The following FHIT variants were observed in gnomAD, a reference collection of about 807,000 sequenced individuals.
FHIT encodes bis(5'-adenosyl)-triphosphatase.
A neutral mutation model predicts 17.9 loss-of-function variants in FHIT; 19 were observed. The ratio of observed to expected loss-of-function variants is 1.06; its 90% CI spans 0.74 to 1.56. FHIT has a LOEUF of 1.56. Among genes scored for constraint, FHIT ranks in the 40% most tolerant of loss-of-function variants. The pLI is 0.00. For synonymous variants in FHIT, 81 were observed against 69.7 expected (o/e 1.16, Z -0.81); for missense variants, 248 against 189.2 (o/e 1.31, Z -1.82).
chr3:60,510,912 C>G (rs1415335439), intron 5 of FHIT, among the ~76,000 whole-genome samples: 6 of 152,140 alleles, frequency 3.9e-5, no homozygotes, highest in Non-Finnish European at 4.4e-5. Context: ...GAATCATAGT[C>G]TCTAACCTCG....
intron 5 of FHIT, among the ~76,000 whole-genome samples, chr3:60,072,784 C>G (rs1702836338): frequency 6.6e-6 from 1 of 152,208 alleles, no homozygotes; most frequent in Admixed American, 6.5e-5. Context: ...ATCTATGAAG[C>G]TAGCGCTTCA....
intron 3 of FHIT, among the ~76,000 whole-genome samples, chr3:60,931,725 C>G (rs1257174551): frequency 1.3e-5 from 2 of 152,178 alleles, no homozygotes; most frequent in Non-Finnish European, 2.9e-5. Flanking sequence ...TCTGGGAGAG[C>G]TTGGTGAAGC....
At chr3:60,469,549 CCTT>C (rs2032975182) in intron 5 of FHIT, among the ~76,000 whole-genome samples, 1 of 152,130 alleles carries the variant, frequency 6.6e-6, no homozygotes, top group Non-Finnish European at 1.5e-5. Context: ...ACTCTGAACT[CCTT>C]CTCTGTGTTA....
At chr3:60,646,377 C>T (rs561054252) in intron 4 of FHIT, among the ~76,000 whole-genome samples, 6 of 152,122 alleles carry the variant, frequency 3.9e-5, no homozygotes, top group South Asian at 2.1e-4. Context: ...GAAAAACAAC[C>T]GTGTAATTTG....
At chr3:59,967,207 A>G (rs1372361647) in intron 7 of FHIT, among the ~76,000 whole-genome samples, 1 of 152,176 alleles carries the variant, frequency 6.6e-6, no homozygotes, top group Admixed American at 6.6e-5. Context: ...TTCTTCTGCA[A>G]TAGTCCCTGA....
At chr3:60,070,007 G>T (rs1702695222) in intron 5 of FHIT, among the ~76,000 whole-genome samples, 1 of 152,150 alleles carries the variant, frequency 6.6e-6, no homozygotes, top group Non-Finnish European at 1.5e-5. Flanking sequence ...CTTCCAGGTG[G>T]CATTCCAGGC....
intron 7 of FHIT, among the ~76,000 whole-genome samples, chr3:59,927,154 G>A (rs1278149290): frequency 6.6e-6 from 1 of 152,188 alleles, no homozygotes; most frequent in African/African-American, 2.4e-5. Flanking sequence ...AAGGAGTGAT[G>A]TGCGCTGAGT....
intron 3 of FHIT, among the ~76,000 whole-genome samples, chr3:60,933,841 G>A (rs375604236): frequency 7.9e-5 from 12 of 151,946 alleles, no homozygotes; most frequent in East Asian, 7.7e-4. Context: ...CCTATCTTCA[G>A]CCCTCAGGCA....
At chr3:59,836,765 T>C (rs1701354071) in intron 8 of FHIT, among the ~76,000 whole-genome samples, 3 of 152,084 alleles carry the variant, frequency 2.0e-5, no homozygotes, top group Admixed American at 2.0e-4. Context: ...CCATGTGTGT[T>C]ACACATGGCC....
chr3:60,325,288 T>A (rs1216007180), intron 5 of FHIT, among the ~76,000 whole-genome samples: 3 of 152,196 alleles, frequency 2.0e-5, no homozygotes, highest in Non-Finnish European at 4.4e-5. Flanking sequence ...TAAATTACCA[T>A]TATTAAGCCC....
At chr3:61,170,228 A>G (rs2037963170) in intron 2 of FHIT, among the ~76,000 whole-genome samples, 1 of 152,218 alleles carries the variant, frequency 6.6e-6, no homozygotes, top group South Asian at 2.1e-4. Context: ...CTGAAAAGAG[A>G]TAATTAAGTC....
At chr3:59,942,737 C>T (rs1013058966) in intron 7 of FHIT, among the ~76,000 whole-genome samples, 2 of 152,124 alleles carry the variant, frequency 1.3e-5, no homozygotes, top group Non-Finnish European at 2.9e-5. Flanking sequence ...CAGCCTCTAC[C>T]TCCCAGGCTC....
chr3:60,631,680 G>A (rs1306265945), intron 4 of FHIT, among the ~76,000 whole-genome samples: 2 of 152,122 alleles, frequency 1.3e-5, no homozygotes, highest in African/African-American at 2.4e-5. Flanking sequence ...CCATCAAATT[G>A]TCTCTCTGGG....
At chr3:60,109,142 G>GTA (rs34381141) in intron 5 of FHIT, among the ~76,000 whole-genome samples, 48,494 of 151,784 alleles carry the variant, frequency 0.32, 8,547 homozygotes, top group Non-Finnish European at 0.41. Flanking sequence ...GTAGGGGCAG[G>GTA]GAGAGAGAGA....
chr3:60,893,896 A>C (rs1705649980), intron 3 of FHIT, among the ~76,000 whole-genome samples: 1 of 152,256 alleles, frequency 6.6e-6, no homozygotes, highest in Non-Finnish European at 1.5e-5. Flanking sequence ...ACAAGTAATC[A>C]AAGTCAGGTA....
intron 8 of FHIT, among the ~76,000 whole-genome samples, chr3:59,783,650 T>C (rs1273460299): frequency 6.6e-6 from 1 of 152,026 alleles, no homozygotes; most frequent in East Asian, 1.9e-4. Context: ...TTGAGAGAGG[T>C]GGTCCTGTGC....
chr3:61,224,593 A>G (rs540440495), intron 1 of FHIT, among the ~76,000 whole-genome samples: 2 of 152,170 alleles, frequency 1.3e-5, no homozygotes, highest in East Asian at 3.9e-4. Context: ...TATTTTTAAT[A>G]GAGACGGGGT....
At chr3:60,051,912 G>T (rs932905008) in intron 5 of FHIT, among the ~76,000 whole-genome samples, 1 of 152,174 alleles carries the variant, frequency 6.6e-6, no homozygotes, top group Non-Finnish European at 1.5e-5. Flanking sequence ...GTGAAACAAA[G>T]ATTGGTTGGG....
intron 5 of FHIT, among the ~76,000 whole-genome samples, chr3:60,307,258 A>G (rs1708720103): frequency 6.6e-6 from 1 of 152,172 alleles, no homozygotes; most frequent in Admixed American, 6.6e-5. Context: ...GTCTTAACAG[A>G]AAAGTCAGTA....
Sources: gnomAD v4.1 joint callset for allele counts (sites outside exome capture counted in the v4.1 genomes callset) on GRCh38, gnomAD v4.1.1 for gene constraint, MANE v1.5 for transcripts, NCBI Gene and HGNC (gene_info 2026-07-23, HGNC 2026-07-21) for gene names.